The following ARHGAP19 variants were observed in gnomAD, a reference collection of about 807,000 sequenced individuals.
ARHGAP19 encodes the protein rho GTPase-activating protein 19.
Under a neutral mutation model 60.9 loss-of-function variants are expected in ARHGAP19, and 48 were observed. The ratio of observed to expected loss-of-function variants is 0.79; its 90% CI spans 0.62 to 1.00. ARHGAP19 has a LOEUF of 1.00. Ranked by LOEUF, ARHGAP19 falls within the 50% of genes least tolerant of loss-of-function variation. ARHGAP19 has a pLI of 0.00. For synonymous variants in ARHGAP19, 209 were observed against 215.5 expected (o/e 0.97, Z 0.27); for missense variants, 562 against 597.2 (o/e 0.94, Z 0.61).
intron 8 of ARHGAP19, among the ~76,000 whole-genome samples, chr10:97,241,436 C>G (rs984757348): frequency 1.4e-5 from 2 of 143,954 alleles, no homozygotes; most frequent in Admixed American, 7.0e-5. Flanking sequence ...GAAGGATGGC[C>G]AGGTGCGGTG....
At chr10:97,228,677 A>G (rs985273263) in intron 11 of ARHGAP19, among the ~76,000 whole-genome samples, 1 of 152,132 alleles carries the variant, frequency 6.6e-6, no homozygotes, top group Non-Finnish European at 1.5e-5. Context: ...TTTGTCCTAA[A>G]TAGCCCCCAA....
At chr10:97,289,341 C>T (rs1285580141) in intron 1 of ARHGAP19, among the ~76,000 whole-genome samples, 1 of 152,030 alleles carries the variant, frequency 6.6e-6, no homozygotes, top group East Asian at 1.9e-4. Context: ...ATCTGGAACT[C>T]CTGAGCTCAG....
Position 97,292,602 on chromosome 10 carries a change from C to A in ARHGAP19, c.26G>T (p.Gly9Val), listed in dbSNP as rs770943387. 1 of 1,614,238 alleles carries A rather than the reference C, an allele frequency of 6.2e-7. No homozygotes were observed. The highest frequency in any genetic ancestry group is 1.1e-5 in the South Asian group (1 of 91,084). ...GCCGGATTCGCGGGCTGGCACCTCC[C>A]CTTCACTCTGTGCCTCAGTCGCCAT... The part of the protein sequence containing the change: MATEAQSE[G>V]EVPARESGRS... The change falls in exon 1 of 12, where the codon GGG becomes GTG. Residue 9 changes from glycine (G) to valine (V), a missense_variant. Physicochemically the swap from Gly to Val is moderately radical, Grantham distance 109. Coordinates refer to ENST00000358531, the MANE Select transcript of ARHGAP19 (RefSeq NM_032900.6).
At chr10:97,244,234 A>C (rs773461154) in intron 7 of ARHGAP19, 75 bp from the exon 8 acceptor site, 3 of 1,318,802 alleles carry the variant, frequency 2.3e-6, no homozygotes, top group African/African-American at 1.5e-5. Context: ...AAAAACCTGG[A>C]ACAAAAAAAG....
chr10:97,231,806 C>A (rs1424213974), intron 9 of ARHGAP19, among the ~76,000 whole-genome samples: 1 of 152,024 alleles, frequency 6.6e-6, no homozygotes, highest in Non-Finnish European at 1.5e-5. Context: ...GCTTTCAATT[C>A]TTTTGGTTAT....
Position 97,263,012 on chromosome 10 carries a change from C to T in ARHGAP19, c.613+408G>A, listed in dbSNP as rs536150450. Among the ~76,000 whole-genome samples the T allele has an allele frequency of 5.3e-5, 8 of 152,224 alleles. No homozygotes were observed. The East Asian group carries it at 1.5e-3, about 29-fold the overall frequency. On this transcript the variant is annotated intron_variant, in intron 4 of 11. Coordinates refer to ENST00000358531, the MANE Select transcript of ARHGAP19 (RefSeq NM_032900.6). ...CCTATAGTCCCAGCTACTTGGGAGG[C>T]TGAGGTGGGAGGCTCACCTGAGCCC...
chr10:97,226,990 T>C (rs1041416165), intron 11 of ARHGAP19, among the ~76,000 whole-genome samples: 1 of 152,180 alleles, frequency 6.6e-6, no homozygotes, highest in African/African-American at 2.4e-5. Context: ...CACTTTTACT[T>C]ATCACAACTG....
intron 1 of ARHGAP19, 79 bp from the exon 2 acceptor site, chr10:97,266,204 C>T: frequency 1.3e-6 from 2 of 1,530,756 alleles, no homozygotes; most frequent in Non-Finnish European, 1.8e-6. Context: ...TTATTTGGTC[C>T]TGACTCCACG....
intron 4 of ARHGAP19, among the ~76,000 whole-genome samples, chr10:97,260,744 G>A (rs999713602): frequency 6.6e-6 from 1 of 151,866 alleles, no homozygotes; most frequent in African/African-American, 2.4e-5. Flanking sequence ...CTCAAAAAAT[G>A]AGAGTTATCA....
intron 1 of ARHGAP19, among the ~76,000 whole-genome samples, chr10:97,284,705 C>T (rs1420666391): frequency 6.6e-6 from 1 of 151,838 alleles, no homozygotes; most frequent in Non-Finnish European, 1.5e-5. Flanking sequence ...CAATGTCTTG[C>T]TAGGTTGCCC....
At chr10:97,233,763 G>A (rs1053910370) in intron 9 of ARHGAP19, among the ~76,000 whole-genome samples, 6 of 152,068 alleles carry the variant, frequency 3.9e-5, no homozygotes, top group African/African-American at 1.2e-4. Flanking sequence ...AGCTACTTGG[G>A]AGGCTGAGGC....
intron 1 of ARHGAP19, among the ~76,000 whole-genome samples, chr10:97,273,484 CTTTTTTTT>C (rs11442502): frequency 3.2e-5 from 3 of 92,498 alleles, no homozygotes; most frequent in African/African-American, 8.3e-5. Context: ...TTTCTGCTCT[CTTTTTTTT>C]TTTTTTTTTT....
intron 8 of ARHGAP19, among the ~76,000 whole-genome samples, chr10:97,240,766 A>AT (rs1420719225): frequency 6.6e-6 from 1 of 152,170 alleles, no homozygotes; most frequent in Non-Finnish European, 1.5e-5. Context: ...ATACATTATG[A>AT]TTTTTTCTTT....
chr10:97,255,175 T>C (rs1387472535), intron 6 of ARHGAP19, among the ~76,000 whole-genome samples: 1 of 152,212 alleles, frequency 6.6e-6, no homozygotes, highest in Non-Finnish European at 1.5e-5. Context: ...ATGTACTTAA[T>C]GCCACAGAAC....
intron 1 of ARHGAP19, among the ~76,000 whole-genome samples, chr10:97,274,301 T>A (rs922787322): frequency 1.3e-5 from 2 of 151,820 alleles, no homozygotes; most frequent in African/African-American, 2.4e-5. Context: ...CCGTCTCTAC[T>A]AAAAAATACA....
At chr10:97,230,322 C>T (rs1850984402) in intron 9 of ARHGAP19, among the ~76,000 whole-genome samples, 1 of 152,178 alleles carries the variant, frequency 6.6e-6, no homozygotes, top group Admixed American at 6.5e-5. Context: ...TTCTCTAAGG[C>T]ACTTCTTCCT....
intron 1 of ARHGAP19, among the ~76,000 whole-genome samples, chr10:97,271,781 G>GAT (rs957221060): frequency 4.0e-5 from 6 of 151,672 alleles, no homozygotes; most frequent in Non-Finnish European, 5.9e-5. Flanking sequence ...TTCCAGAGGA[G>GAT]ATATATATAT....
intron 6 of ARHGAP19, among the ~76,000 whole-genome samples, chr10:97,253,379 C>CAAAA (rs551066347): frequency 4.1e-4 from 34 of 82,408 alleles, no homozygotes; most frequent in Middle Eastern, 7.5e-3. Context: ...AACTCTATCT[C>CAAAA]AAAAAAAAAA....
At chr10:97,258,213 T>C (rs944716558) in intron 5 of ARHGAP19, among the ~76,000 whole-genome samples, 3 of 152,086 alleles carry the variant, frequency 2.0e-5, no homozygotes, top group Non-Finnish European at 4.4e-5. Flanking sequence ...AAATGGCTTG[T>C]AGACAGCTGT....
Sources: gnomAD v4.1 joint callset for allele counts (sites outside exome capture counted in the v4.1 genomes callset) on GRCh38, gnomAD v4.1.1 for gene constraint, MANE v1.5 for transcripts, NCBI Gene and HGNC (gene_info 2026-07-23, HGNC 2026-07-21) for gene names.